SLC30A8: variants seen among roughly 807,000 people sequenced by gnomAD.
SLC30A8 encodes proton-coupled zinc antiporter SLC30A8.
A neutral mutation model predicts 36.9 loss-of-function variants in SLC30A8; 27 were observed. The observed-to-expected ratio is 0.73, with a 90% confidence interval of 0.54 to 1.01. SLC30A8 has a LOEUF of 1.01. Ranked by LOEUF, SLC30A8 falls within the 50% of genes least tolerant of loss-of-function variation. The probability of loss-of-function intolerance (pLI) is 0.00; values close to 1 mark genes in which losing one functional copy is unlikely to be tolerated. For missense variants in SLC30A8, 439 were observed against 452.0 expected (o/e 0.97, Z 0.26); for synonymous variants, 164 against 172.4 (o/e 0.95, Z 0.38).
At chr8:117,068,525 C>T (rs1818234546) in intron 2 of SLC30A8, among the ~76,000 whole-genome samples, 4 of 151,884 alleles carry the variant, frequency 2.6e-5, no homozygotes, top group Admixed American at 2.6e-4. Context: ...AACTGCTTCT[C>T]TCCACATGTG....
chr8:117,043,930 A>G (rs1227687463), intron 2 of SLC30A8, among the ~76,000 whole-genome samples: 1 of 152,272 alleles, frequency 6.6e-6, no homozygotes, highest in Non-Finnish European at 1.5e-5. Flanking sequence ...GCTACAGGCT[A>G]TAAGGTAAAC....
intron 1 of SLC30A8, among the ~76,000 whole-genome samples, chr8:116,989,631 A>T (rs948408331): frequency 5.9e-5 from 9 of 152,208 alleles, no homozygotes; most frequent in Non-Finnish European, 1.0e-4. Context: ...CCTGAAAGAA[A>T]AGAAGTATAA....
chr8:116,969,830 G>T (rs1025346651), intron 1 of SLC30A8, among the ~76,000 whole-genome samples: 6 of 152,184 alleles, frequency 3.9e-5, no homozygotes, highest in Non-Finnish European at 8.8e-5. Flanking sequence ...GAGCTTGCAG[G>T]ACTGAAAGTT....
Position 116,961,709 on chromosome 8 carries a change from A to G in SLC30A8, c.-266+10590A>G, listed in dbSNP as rs868318517. 3.3e-5 allele frequency among the ~76,000 whole-genome samples: 5 copies of G among 152,024 alleles called. No homozygotes were observed. In the Middle Eastern group the frequency reaches 0.014, roughly 414 times the overall value. On this transcript the variant is annotated intron_variant, in intron 1 of 10. Coordinates refer to the SLC30A8 transcript ENST00000427715. ...GCCTCTGGGGAGGGCCTTGCTGCAT[A>G]CTATGGAGGGGAAGAATGCTATGTC... is the stretch of plus-strand genomic sequence containing the variant.
At chr8:117,172,113 AGCTCTAAAC>A (rs1338281578) in intron 7 of SLC30A8, among the ~76,000 whole-genome samples, 2 of 152,052 alleles carry the variant, frequency 1.3e-5, no homozygotes. Flanking sequence ...GTCTGTGGGG[AGCTCTAAAC>A]GCTTCCTGGT....
At chr8:117,074,010 G>A (rs891771526) in intron 2 of SLC30A8, among the ~76,000 whole-genome samples, 4 of 116,152 alleles carry the variant, frequency 3.4e-5, no homozygotes, top group African/African-American at 1.0e-4. Context: ...AGGCAGCATC[G>A]TACTTGGTTA....
At chr8:117,036,651 A>AGTG (rs1817223252) in intron 1 of SLC30A8, among the ~76,000 whole-genome samples, 3 of 152,140 alleles carry the variant, frequency 2.0e-5, no homozygotes, top group Non-Finnish European at 4.4e-5. Context: ...TCAAACACTT[A>AGTG]TAAAACCATC....
chr8:117,025,016 G>A (rs932889971), intron 1 of SLC30A8, among the ~76,000 whole-genome samples: 3 of 152,070 alleles, frequency 2.0e-5, no homozygotes, highest in Non-Finnish European at 2.9e-5. Flanking sequence ...GTCATAGGAG[G>A]ATAAGATTTG....
chr8:116,984,843 A>C (rs112499636), intron 1 of SLC30A8, among the ~76,000 whole-genome samples: 1 of 152,010 alleles, frequency 6.6e-6, no homozygotes, highest in African/African-American at 2.4e-5. Flanking sequence ...TCACAGAGGA[A>C]ATTTTTAATA....
At position 117,146,941 on chromosome 8, in the gene SLC30A8, A is replaced by G. The variant is rs747629035; in HGVS notation, c.72-13A>G. On this transcript the variant is annotated splice_polypyrimidine_tract_variant and intron_variant, in intron 1 of 7. Transcript: ENST00000456015. Reference sequence around the variant, plus strand: ...CTATGTTCACTTCTTGCTTCTGTCAAACTCATCCATAGTGTGGAACTCCAA... The same window carrying G: ...CTATGTTCACTTCTTGCTTCTGTCAGACTCATCCATAGTGTGGAACTCCAA... The G allele has an allele frequency of 8.1e-6, 13 of 1,613,712 alleles. No individual in the cohort carries two copies. In the South Asian group the frequency reaches 1.3e-4, roughly 16 times the overall value.
At chr8:117,019,585 T>C (rs1182871975) in intron 1 of SLC30A8, among the ~76,000 whole-genome samples, 1 of 152,236 alleles carries the variant, frequency 6.6e-6, no homozygotes, top group Non-Finnish European at 1.5e-5. Flanking sequence ...TGTTGTTTAA[T>C]GTTCCTTTCT....
At chr8:117,049,073 C>G (rs1817634783) in intron 2 of SLC30A8, among the ~76,000 whole-genome samples, 1 of 152,172 alleles carries the variant, frequency 6.6e-6, no homozygotes, top group African/African-American at 2.4e-5. Flanking sequence ...AACTTCATAG[C>G]ATTTTAGAAT....
At chr8:117,059,495 C>T (rs1260893440) in intron 2 of SLC30A8, among the ~76,000 whole-genome samples, 1 of 152,140 alleles carries the variant, frequency 6.6e-6, no homozygotes, top group Admixed American at 6.6e-5. Context: ...GTGGAAAGAA[C>T]TATGCAACTG....
In SLC30A8 at chr8:117,175,859, A is replaced by G. The variant is rs1823653413; in HGVS notation, c.*3178A>G. ...GAGGCTTGCTGGGATAAAGGCATTT[A>G]CTGAGAGGCTGTTACCTAGTGAGAG... On this transcript the variant is annotated 3_prime_UTR_variant, in exon 8 of 8. Coordinates refer to ENST00000456015, the MANE Select transcript of SLC30A8 (RefSeq NM_173851.3). 6.6e-6 allele frequency: 1 copy of G among 152,088 alleles called. No individual in the cohort carries two copies. The highest frequency in any genetic ancestry group is 2.1e-4 in the South Asian group (1 of 4,826). 9.4% of individuals were successfully genotyped at this position (152,088 alleles called of 1,614,324 possible). A position where few individuals can be genotyped will look rare whatever the true frequency, so the allele number is the denominator to read the frequency against.
At chr8:116,956,971 A>T (rs1294594123) in intron 1 of SLC30A8, among the ~76,000 whole-genome samples, 2 of 152,360 alleles carry the variant, frequency 1.3e-5, no homozygotes, top group Non-Finnish European at 2.9e-5. Context: ...TGACATGTAG[A>T]ATAATTTTGA....
At chr8:116,990,644 G>A (rs1245777756) in intron 1 of SLC30A8, among the ~76,000 whole-genome samples, 3 of 151,994 alleles carry the variant, frequency 2.0e-5, no homozygotes, top group Non-Finnish European at 2.9e-5. Flanking sequence ...GTGGTGTCTC[G>A]GAATGGAAAG....
upstream of SLC30A8, among the ~76,000 whole-genome samples, chr8:117,131,086 A>G (rs1003038670): frequency 4.6e-5 from 7 of 152,034 alleles, no homozygotes; most frequent in African/African-American, 1.4e-4. Flanking sequence ...AAAAATAGAA[A>G]TAGTAAAAAA....
intron 1 of SLC30A8, among the ~76,000 whole-genome samples, chr8:117,035,312 C>A (rs1163539177): frequency 1.3e-5 from 2 of 152,204 alleles, no homozygotes; most frequent in Non-Finnish European, 2.9e-5. Flanking sequence ...TGTATAAATG[C>A]TCCCATTCCA....
At chr8:116,968,048 G>T (rs960896573) in intron 1 of SLC30A8, among the ~76,000 whole-genome samples, 2 of 152,092 alleles carry the variant, frequency 1.3e-5, no homozygotes, top group Admixed American at 1.3e-4. Flanking sequence ...TGCAGATAAT[G>T]ATATTTTCCT....
Sources: gnomAD v4.1 joint callset for allele counts (sites outside exome capture counted in the v4.1 genomes callset) on GRCh38, gnomAD v4.1.1 for gene constraint, MANE v1.5 for transcripts, NCBI Gene and HGNC (gene_info 2026-07-23, HGNC 2026-07-21) for gene names.